Variants in PKP2 observed in about 807,000 individuals in gnomAD.
The protein encoded by PKP2 is plakophilin-2.
PKP2 carries 73 observed loss-of-function variants against 83.4 expected under a neutral mutation model. The observed-to-expected ratio is 0.88, with a 90% confidence interval of 0.72 to 1.06. The LOEUF is 1.06. PKP2 is among the 50% of genes least tolerant of loss of function. The pLI is 0.00. For missense variants in PKP2, 966 were observed against 1,065.4 expected, an observed-to-expected ratio of 0.91 and a Z score of 1.30; for synonymous variants, 409 against 430.4, an observed-to-expected ratio of 0.95 and a Z score of 0.62.
chr12:32,834,736 G>A (rs934279230), intron 6 of PKP2, among the ~76,000 whole-genome samples: 1 of 152,096 alleles, frequency 6.6e-6, no homozygotes, highest in Non-Finnish European at 1.5e-5. Flanking sequence ...AGAAAAGAAA[G>A]AGGAGGAAAG....
At chr12:32,833,197 C>A (rs2137809369) in intron 6 of PKP2, among the ~76,000 whole-genome samples, 1 of 152,262 alleles carries the variant, frequency 6.6e-6, no homozygotes, top group South Asian at 2.1e-4. Flanking sequence ...GACCTGAGAT[C>A]ATGCCACTGC....
chr12:32,889,421 C>T (rs1047123841), intron 1 of PKP2, among the ~76,000 whole-genome samples: 6 of 152,112 alleles, frequency 3.9e-5, no homozygotes, highest in African/African-American at 1.4e-4. Flanking sequence ...AGTGGGGCCA[C>T]GTTAAAACAA....
intron 9 of PKP2, among the ~76,000 whole-genome samples, chr12:32,808,023 G>A (rs1219889173): frequency 6.6e-6 from 1 of 152,108 alleles, no homozygotes; most frequent in Non-Finnish European, 1.5e-5. Context: ...TTCTCATGGA[G>A]TATCCTACTG....
At chr12:32,892,855 T>C (rs1180618375) in intron 1 of PKP2, among the ~76,000 whole-genome samples, 1 of 147,970 alleles carries the variant, frequency 6.8e-6, no homozygotes, top group African/African-American at 2.5e-5. Context: ...AGTAGTACTT[T>C]TAAGGCAAGT....
chr12:32,846,745 C>CAAAAAAAAAA lies in PKP2; in HGVS notation c.1378+4011_1378+4020dup, dbSNP rs574053559. On this transcript the variant is annotated intron_variant, in intron 5 of 12. Coordinates refer to ENST00000340811, the MANE Select transcript of PKP2 (RefSeq NM_001005242.3). ...GGGTAACAAGAATGAAACTTCTTCT[C>CAAAAAAAAAA]AAAAAAAAAAAAAAAAAAGAAGAGA... Among the ~76,000 whole-genome samples the CAAAAAAAAAA allele has an allele frequency of 1.1e-3, 85 of 74,866 alleles. 5 individuals carry two copies. The highest frequency in any genetic ancestry group is 4.5e-3 in the African/African-American group (79 of 17,714). 49.1% of individuals were successfully genotyped at this position (74,866 alleles called of 152,430 possible).
At chr12:32,844,109 C>T (rs1293684804) in intron 5 of PKP2, among the ~76,000 whole-genome samples, 3 of 152,150 alleles carry the variant, frequency 2.0e-5, no homozygotes, top group Non-Finnish European at 4.4e-5. Flanking sequence ...TTAGAGCTTG[C>T]CATGCTCCAT....
chr12:32,883,000 G>A (rs75475354), intron 1 of PKP2, among the ~76,000 whole-genome samples: 1,994 of 152,214 alleles, frequency 0.013, 103 homozygotes, highest in Admixed American at 0.083. Flanking sequence ...CTTCACTTAC[G>A]CAACTCCAAA....
intron 6 of PKP2, among the ~76,000 whole-genome samples, chr12:32,839,139 G>A (rs980431152): frequency 6.6e-6 from 1 of 152,128 alleles, no homozygotes; most frequent in Non-Finnish European, 1.5e-5. Flanking sequence ...GAAAAAGGCT[G>A]TGTATGCTGT....
intron 5 of PKP2, among the ~76,000 whole-genome samples, chr12:32,844,669 T>C (rs1404349877): frequency 6.6e-6 from 1 of 152,162 alleles, no homozygotes. Context: ...GCTCTATCAC[T>C]AGAGGGAATA....
rs544348496 is a variant in PKP2, at chr12:32,826,776, A to G, written c.1557-2614T>C. On this transcript the variant is annotated intron_variant, in intron 6 of 12. Coordinates refer to ENST00000340811, the MANE Select transcript of PKP2 (RefSeq NM_001005242.3). ...AATCATGGGGATTCAGAAGCTTGAC[A>G]GAAACTGAAAAAGCATCTTTTCCAG... Among the ~76,000 whole-genome samples the G allele has an allele frequency of 2.6e-5, 4 of 152,360 alleles. No individual in the cohort carries two copies. In the South Asian group the frequency reaches 8.3e-4, roughly 32 times the overall value.
At chr12:32,883,895 T>C (rs1957007295) in intron 1 of PKP2, among the ~76,000 whole-genome samples, 1 of 152,200 alleles carries the variant, frequency 6.6e-6, no homozygotes, top group African/African-American at 2.4e-5. Context: ...CACTTGGCAT[T>C]TGAGGAAGCA....
chr12:32,799,083 C>A lies in PKP2; in HGVS notation c.2168-2785G>T, dbSNP rs1956156129. Among the ~76,000 whole-genome samples the A allele has an allele frequency of 2.6e-5, 4 of 152,058 alleles. No individual in the cohort carries two copies. The South Asian group carries it at 8.3e-4, about 31-fold the overall frequency. On this transcript the variant is annotated intron_variant, in intron 10 of 12. Coordinates refer to ENST00000340811, the MANE Select transcript of PKP2 (RefSeq NM_001005242.3). The stretch of plus-strand genomic sequence containing the variant: ...AAGCAAGAAAAAAGCCAAATAATTC[C>A]ATCAAAAAGTGGGCTAAGGACATGA...
intron 6 of PKP2, 168 bp from the exon 7 acceptor site, chr12:32,824,330 A>G (rs991914584): frequency 1.6e-6 from 1 of 639,120 alleles, no homozygotes; most frequent in African/African-American, 1.8e-5. Flanking sequence ...TAATAGATCA[A>G]CTATGAACAT....
At position 32,796,150 on chromosome 12, in the gene PKP2, G is replaced by C; in HGVS notation, c.2316C>G (p.Thr772=). The C allele has an allele frequency of 1.2e-6, 2 of 1,614,076 alleles. No individual in the cohort carries two copies. Among genetic ancestry groups the C allele is most frequent in the Non-Finnish European group, 1.7e-6 (2 of 1,180,014 alleles). Residue 772 remains threonine (T), a synonymous_variant, in exon 11 of 13, where the codon ACC becomes ACG. Transcript: ENST00000340811. ...TGGCCATAATTTTCTGGATGCCCCCGGTGTTTAGAAGGTCGCGTGCATTCT... is the reference window on the plus strand; with the variant it reads ...TGGCCATAATTTTCTGGATGCCCCCCGTGTTTAGAAGGTCGCGTGCATTCT... The part of the protein sequence containing the change: ...SYQNARDLLN[T]GGIQKIMAIS...
rs781072699 is a variant in PKP2, at chr12:32,843,202, C to T, written c.1379-1997G>A. On this transcript the variant is annotated intron_variant, in intron 5 of 12. Coordinates refer to ENST00000340811, the MANE Select transcript of PKP2 (RefSeq NM_001005242.3). ...CTCACCATGTTGGTCAGGCTGGTCT[C>T]GAACTCCTGACCTCGTGATCCGCCC... 7.5e-5 allele frequency: 43 copies of T among 575,544 alleles called. No individual in the cohort carries two copies. Among genetic ancestry groups the T allele is most frequent in the Admixed American group, 6.9e-4 (34 of 49,512 alleles). The allele number at this position is 575,544 out of a possible 1,614,324, so 35.7% of individuals were successfully genotyped here.
At chr12:32,821,706 C>T (rs1241212173) in intron 8 of PKP2, 177 bp from the exon 9 acceptor site, 1 of 612,342 alleles carries the variant, frequency 1.6e-6, no homozygotes, top group Non-Finnish European at 2.8e-6. Context: ...TAACTTTTAG[C>T]CCATAATGAT....
chr12:32,793,787 G>A (rs1385444779), intron 11 of PKP2, among the ~76,000 whole-genome samples: 2 of 151,776 alleles, frequency 1.3e-5, no homozygotes, highest in South Asian at 2.1e-4. Context: ...AGTAGAGATG[G>A]GGTTTCACTG....
intron 9 of PKP2, chr12:32,820,888 G>C (rs992910222): frequency 5.4e-6 from 1 of 185,156 alleles, no homozygotes; most frequent in African/African-American, 2.4e-5. Context: ...TGTTTCTTGT[G>C]GGGGACACAT....
chr12:32,848,478 C>T (rs1470161632), intron 5 of PKP2, among the ~76,000 whole-genome samples: 2 of 152,108 alleles, frequency 1.3e-5, no homozygotes, highest in African/African-American at 4.8e-5. Context: ...AGTTTTATAA[C>T]ATTAAAATAT....
Sources: allele counts gnomAD v4.1 joint callset (sites outside exome capture counted in the v4.1 genomes callset), GRCh38; gene constraint gnomAD v4.1.1; transcripts MANE v1.5; gene names NCBI Gene and HGNC (gene_info 2026-07-23, HGNC 2026-07-21).